LRP1B: variants seen among roughly 807,000 people sequenced by gnomAD.
LRP1B encodes LDL receptor related protein 1B.
A neutral mutation model predicts 556.6 loss-of-function variants in LRP1B; 217 were observed. That is an observed-to-expected ratio of 0.39 (90% CI 0.35 to 0.44). LRP1B has a LOEUF of 0.44. Among genes scored for constraint, LRP1B ranks in the 20% least tolerant of loss-of-function variants. The pLI, the probability that LRP1B is intolerant of heterozygous loss-of-function variation, is 1.00. For synonymous variants in LRP1B, 2,047 were observed against 1,865.8 expected (o/e 1.10, Z -2.50); for missense variants, 5,053 against 5,620.8 (o/e 0.90, Z 3.23).
At chr2:141,817,671 G>T (rs573146545) in intron 1 of LRP1B, among the ~76,000 whole-genome samples, 3 of 151,994 alleles carry the variant, frequency 2.0e-5, no homozygotes, top group Admixed American at 6.5e-5. Flanking sequence ...ATCAATAGGG[G>T]TCTACTGCAC....
intron 7 of LRP1B, among the ~76,000 whole-genome samples, chr2:141,087,736 A>T (rs184385605): frequency 6.6e-6 from 1 of 152,334 alleles, no homozygotes; most frequent in Admixed American, 6.5e-5. Context: ...TGGAAACTTG[A>T]AGGGCAAGTA....
chr2:141,247,475 TAA>T lies in LRP1B; in HGVS notation c.464-123_464-122del, dbSNP rs1440163076. On this transcript the variant is annotated intron_variant, in intron 4 of 90. Transcript: ENST00000389484. ...ACTATTAAGGAAAAGCCAATTCCAA[TAA>T]GTCTTTTCAAAACCACACTAACTAA... 6.1e-6 allele frequency: 7 copies of T among 1,156,796 alleles called. No homozygotes were observed. In the Admixed American group the frequency reaches 1.6e-4, roughly 26 times the overall value. 71.7% of individuals were successfully genotyped at this position (1,156,796 alleles called of 1,614,324 possible). A position where few individuals can be genotyped will look rare whatever the true frequency, so the allele number is the denominator to read the frequency against.
At chr2:141,682,045 T>C (rs1691123118) in intron 2 of LRP1B, among the ~76,000 whole-genome samples, 2 of 152,040 alleles carry the variant, frequency 1.3e-5, no homozygotes, top group Non-Finnish European at 1.5e-5. Context: ...CAGAAAGAAT[T>C]TCGAAGCAAA....
At chr2:140,602,975 G>C (rs778700521) in intron 41 of LRP1B, among the ~76,000 whole-genome samples, 1 of 151,830 alleles carries the variant, frequency 6.6e-6, no homozygotes, top group Admixed American at 6.6e-5. Flanking sequence ...TTACCGCCTG[G>C]CTCCCCCATT....
chr2:141,842,220 G>C (rs1226093732), intron 1 of LRP1B, among the ~76,000 whole-genome samples: 1 of 152,038 alleles, frequency 6.6e-6, no homozygotes. Context: ...TATGATAGAT[G>C]TAATTACAGT....
At chr2:141,070,353 CA>C (rs1202350713) in intron 7 of LRP1B, among the ~76,000 whole-genome samples, 1 of 150,344 alleles carries the variant, frequency 6.7e-6, no homozygotes, top group Non-Finnish European at 1.5e-5. Context: ...ACATTCAAAG[CA>C]GTGTGTAGAG....
intron 3 of LRP1B, among the ~76,000 whole-genome samples, chr2:141,415,126 T>C (rs962601282): frequency 6.6e-6 from 1 of 152,208 alleles, no homozygotes; most frequent in African/African-American, 2.4e-5. Flanking sequence ...GCCATTCTCC[T>C]GGCTCAGCCT....
At chr2:141,299,765 G>A (rs1686315791) in intron 3 of LRP1B, among the ~76,000 whole-genome samples, 1 of 152,086 alleles carries the variant, frequency 6.6e-6, no homozygotes, top group Non-Finnish European at 1.5e-5. Flanking sequence ...TACCTAATTA[G>A]TAAAATGAAA....
chr2:140,942,763 G>A (rs886885915), intron 20 of LRP1B, among the ~76,000 whole-genome samples: 1 of 151,978 alleles, frequency 6.6e-6, no homozygotes, highest in Non-Finnish European at 1.5e-5. Context: ...CACTGGACTG[G>A]TCTTATAACA....
intron 2 of LRP1B, among the ~76,000 whole-genome samples, chr2:141,641,190 C>CAG (rs1558773845): frequency 4.0e-5 from 6 of 151,836 alleles, no homozygotes; most frequent in African/African-American, 1.4e-4. Context: ...GGTAGTATAG[C>CAG]TGGGTAGCTC....
At chr2:140,530,197 A>C (rs1460908286) in intron 47 of LRP1B, among the ~76,000 whole-genome samples, 1 of 152,050 alleles carries the variant, frequency 6.6e-6, no homozygotes, top group Non-Finnish European at 1.5e-5. Flanking sequence ...CTGACTTCCA[A>C]TTGTATCACT....
intron 14 of LRP1B, among the ~76,000 whole-genome samples, chr2:141,008,346 C>A (rs980571009): frequency 6.6e-6 from 1 of 150,936 alleles, no homozygotes; most frequent in African/African-American, 2.4e-5. Context: ...AATATGTGAT[C>A]GTCTAAATGA....
chr2:140,599,154 G>A (rs1682555901), intron 42 of LRP1B, among the ~76,000 whole-genome samples: 1 of 152,034 alleles, frequency 6.6e-6, no homozygotes, highest in Non-Finnish European at 1.5e-5. Context: ...GTGATCTTAA[G>A]TTTGTTTTCC....
intron 56 of LRP1B, among the ~76,000 whole-genome samples, chr2:140,493,130 C>T (rs1688773438): frequency 6.6e-6 from 1 of 152,122 alleles, no homozygotes; most frequent in Non-Finnish European, 1.5e-5. Context: ...TCAGTGAAGA[C>T]CAAGAGTATC....
rs1288172269 is a variant in LRP1B, at chr2:140,716,028, T to C, written c.5968A>G (p.Ile1990Val). 4 of 1,610,394 alleles carry C rather than the reference T, an allele frequency of 2.5e-6. No individual in the cohort carries two copies. In the African/African-American group the frequency reaches 5.3e-5, roughly 22 times the overall value. Residue 1990 changes from isoleucine (I) to valine (V), a missense_variant, in exon 37 of 91, where the codon ATT (isoleucine) becomes GTT (valine). Transcript: ENST00000389484. The stretch of plus-strand genomic sequence containing the variant: ...GGTTGATCCAGGCCTTGGGAAATAA[T>C]TACATAACGGAAAGAACCATTGAGT... ...ARLNGSFRYV[I>V]ISQGLDQPRS...
chr2:140,753,379 A>G (rs1187122935), intron 35 of LRP1B, among the ~76,000 whole-genome samples: 1 of 152,172 alleles, frequency 6.6e-6, no homozygotes, highest in Non-Finnish European at 1.5e-5. Flanking sequence ...ATATTATTTA[A>G]ACTAAGATTT....
chr2:140,404,225 A>G (rs1458781564), intron 66 of LRP1B, among the ~76,000 whole-genome samples: 1 of 121,548 alleles, frequency 8.2e-6, no homozygotes, highest in East Asian at 2.5e-4. Context: ...CCCAGGCTGG[A>G]GTGCAGTGGC....
intron 55 of LRP1B, among the ~76,000 whole-genome samples, chr2:140,499,222 A>T (rs1689077921): frequency 2.6e-5 from 4 of 151,904 alleles, no homozygotes; most frequent in Admixed American, 2.6e-4. Context: ...CAGTTTCCAA[A>T]TATGGTATGG....
At chr2:141,362,827 A>C (rs1202526992) in intron 3 of LRP1B, among the ~76,000 whole-genome samples, 2 of 152,084 alleles carry the variant, frequency 1.3e-5, no homozygotes, top group African/African-American at 4.8e-5. Flanking sequence ...TAAAAAAAAA[A>C]AAAAAACTTA....
Sources: allele counts gnomAD v4.1 joint callset (sites outside exome capture counted in the v4.1 genomes callset), GRCh38; gene constraint gnomAD v4.1.1; transcripts MANE v1.5; gene names NCBI Gene and HGNC (gene_info 2026-07-23, HGNC 2026-07-21).